DNAH5: variants seen among roughly 807,000 people sequenced by gnomAD.
DNAH5 encodes the protein dynein axonemal heavy chain 5.
Under a neutral mutation model 518.2 loss-of-function variants are expected in DNAH5, and 372 were observed. That is an observed-to-expected ratio of 0.72 (90% CI 0.66 to 0.78). The LOEUF is 0.78. DNAH5 is among the 30% of genes least tolerant of loss of function. DNAH5 has a pLI of 0.00. For synonymous variants in DNAH5, 2,039 were observed against 2,025.9 expected (o/e 1.01, Z -0.17); for missense variants, 5,523 against 5,687.0 (o/e 0.97, Z 0.93).
intron 61 of DNAH5, among the ~76,000 whole-genome samples, chr5:13,755,991 T>G (rs144702324): frequency 6.6e-6 from 1 of 152,018 alleles, no homozygotes; most frequent in Admixed American, 6.5e-5. Flanking sequence ...GTTCCGTGAG[T>G]TCCCCCCAGC....
At chr5:13,922,600 A>C (rs1037801295) in intron 4 of DNAH5, among the ~76,000 whole-genome samples, 3 of 151,660 alleles carry the variant, frequency 2.0e-5, no homozygotes, top group Admixed American at 6.6e-5. Flanking sequence ...GGTGGCAGGC[A>C]CCTGTAATCC....
At chr5:13,748,514 T>C (rs920470566) in intron 65 of DNAH5, among the ~76,000 whole-genome samples, 1 of 152,224 alleles carries the variant, frequency 6.6e-6, no homozygotes, top group Admixed American at 6.5e-5. Context: ...TCCATGAGCA[T>C]GGAATGTTCT....
chr5:13,857,756 T>C (rs1053239833), intron 30 of DNAH5, among the ~76,000 whole-genome samples: 1 of 152,044 alleles, frequency 6.6e-6, no homozygotes, highest in African/African-American at 2.4e-5. Context: ...AAACAAGCAA[T>C]AGGGAAAGGA....
intron 1 of DNAH5, among the ~76,000 whole-genome samples, chr5:13,987,955 A>G (rs535583777): frequency 6.6e-5 from 10 of 152,286 alleles, no homozygotes; most frequent in African/African-American, 2.4e-4. Context: ...CAAAAACTAG[A>G]CAAACCTGTC....
chr5:13,873,893 CA>C (rs113604766), intron 22 of DNAH5, among the ~76,000 whole-genome samples: 171 of 152,266 alleles, frequency 1.1e-3, no homozygotes, highest in African/African-American at 3.8e-3. Flanking sequence ...GCATGAAAAA[CA>C]AATTTAGCTG....
In DNAH5 at chr5:13,900,352, C is replaced by A. The variant is rs780489890; in HGVS notation, c.2113G>T (p.Glu705Ter). 6.2e-7 allele frequency: 1 copy of A among 1,614,148 alleles called. No homozygotes were observed. Among genetic ancestry groups the A allele is most frequent in the Admixed American group, 1.7e-5 (1 of 60,016 alleles). Residue 705 changes from glutamate (E) to a stop codon, truncating the protein, a stop_gained, in exon 15 of 79, where the codon GAA (glutamate) becomes TAA (stop). Transcript: ENST00000265104. LOFTEE classifies it high-confidence loss of function. ...TGAGGGTCAAAGTTTACAAACAATT[C>A]CCCTGTGCCTGGAGCCTTCACCAAT... Reference protein sequence around the residue: ...SLLVKAPGTGELFVNFDPQIL... With the variant: ...SLLVKAPGTG
At chr5:13,950,551 C>T (rs923181664) in intron 1 of DNAH5, among the ~76,000 whole-genome samples, 7 of 152,194 alleles carry the variant, frequency 4.6e-5, no homozygotes, top group Admixed American at 3.3e-4. Flanking sequence ...GCTGGGATTA[C>T]AGGCAAGAGC....
chr5:13,928,273 G>A (rs1778084759), intron 2 of DNAH5, 95 bp from the exon 3 acceptor site: 1 of 863,038 alleles, frequency 1.2e-6, no homozygotes, highest in Admixed American at 2.0e-5. Context: ...AAAATTTACT[G>A]TCATCTTTCT....
At chr5:13,817,775 G>A (rs1761646329) in intron 41 of DNAH5, 81 bp from the exon 42 acceptor site, 8 of 1,355,934 alleles carry the variant, frequency 5.9e-6, no homozygotes, top group African/African-American at 4.3e-5. Context: ...AATTTGTGGT[G>A]TACTGTCAGC....
intron 1 of DNAH5, among the ~76,000 whole-genome samples, chr5:13,950,635 A>G (rs951803322): frequency 2.9e-4 from 44 of 152,210 alleles, no homozygotes; most frequent in Non-Finnish European, 1.8e-4. Flanking sequence ...ACCTACACAC[A>G]CAAAGCTCAT....
At chr5:13,865,006 C>CTTTTT (rs70964512) in intron 27 of DNAH5, among the ~76,000 whole-genome samples, 1 of 124,962 alleles carries the variant, frequency 8.0e-6, no homozygotes, top group Non-Finnish European at 1.6e-5. Context: ...ACAAATAGCT[C>CTTTTT]TTTTTTTTTT....
intron 38 of DNAH5, among the ~76,000 whole-genome samples, chr5:13,826,970 G>T (rs1762964896): frequency 6.6e-6 from 1 of 152,200 alleles, no homozygotes; most frequent in Non-Finnish European, 1.5e-5. Context: ...AAAACACTGA[G>T]AGTTATATGG....
chr5:13,920,729 A>G, intron 5 of DNAH5, 112 bp from the exon 6 acceptor site: 1 of 1,168,382 alleles, frequency 8.6e-7, no homozygotes, highest in Non-Finnish European at 1.3e-6. Context: ...AAAGCCCACC[A>G]GGTAGCACAT....
intron 47 of DNAH5, among the ~76,000 whole-genome samples, chr5:13,794,530 A>T (rs926873180): frequency 7.2e-5 from 11 of 151,784 alleles, no homozygotes; most frequent in African/African-American, 2.7e-4. Flanking sequence ...GCTCATACCC[A>T]CTCTTTTGGG....
intron 1 of DNAH5, among the ~76,000 whole-genome samples, chr5:13,979,492 G>A (rs948542090): frequency 1.3e-5 from 2 of 152,224 alleles, no homozygotes; most frequent in South Asian, 2.1e-4. Context: ...CACAGTAGGT[G>A]CTCAACAACT....
chr5:13,866,924 A>C (rs1769336522), intron 25 of DNAH5, among the ~76,000 whole-genome samples: 1 of 152,066 alleles, frequency 6.6e-6, no homozygotes, highest in South Asian at 2.1e-4. Context: ...CAGTACTTAA[A>C]CCTATATGGA....
intron 1 of DNAH5, among the ~76,000 whole-genome samples, chr5:13,976,803 G>A (rs970770320): frequency 5.3e-5 from 8 of 151,582 alleles, no homozygotes; most frequent in South Asian, 4.2e-4. Flanking sequence ...ATACATTCCC[G>A]GAGGATAAGG....
At chr5:13,907,295 G>C (rs1775430542) in intron 12 of DNAH5, among the ~76,000 whole-genome samples, 1 of 152,120 alleles carries the variant, frequency 6.6e-6, no homozygotes, top group African/African-American at 2.4e-5. Context: ...GCCGGGTGTG[G>C]TGGAGCGTGC....
intron 12 of DNAH5, among the ~76,000 whole-genome samples, chr5:13,906,052 T>C (rs1775244278): frequency 6.6e-6 from 1 of 152,174 alleles, no homozygotes; most frequent in Non-Finnish European, 1.5e-5. Context: ...TGCTTCCGAC[T>C]AGATGGAAAA....
Sources: gnomAD v4.1 joint callset for allele counts (sites outside exome capture counted in the v4.1 genomes callset) on GRCh38, gnomAD v4.1.1 for gene constraint, MANE v1.5 for transcripts, NCBI Gene and HGNC (gene_info 2026-07-23, HGNC 2026-07-21) for gene names.